The following NOVA1 variants were observed in gnomAD, a reference collection of about 807,000 sequenced individuals.
NOVA1 encodes the protein RNA-binding protein Nova-1.
A neutral mutation model predicts 38.0 loss-of-function variants in NOVA1; 7 were observed. The ratio of observed to expected loss-of-function variants is 0.18; its 90% CI spans 0.10 to 0.35. NOVA1 has a LOEUF of 0.35. Ranked by LOEUF, NOVA1 falls within the 10% of genes least tolerant of loss-of-function variation. NOVA1 has a pLI of 1.00. For missense variants in NOVA1, 460 were observed against 616.0 expected (o/e 0.75, Z 2.68); for synonymous variants, 270 against 232.5 (o/e 1.16, Z -1.47).
intron 2 of NOVA1, among the ~76,000 whole-genome samples, chr14:26,533,294 A>AG (rs1222015095): frequency 6.6e-6 from 1 of 152,190 alleles, no homozygotes; most frequent in Non-Finnish European, 1.5e-5. Context: ...GCCCTCGCTT[A>AG]GGAGCCACTT....
At chr14:26,535,994 A>AC (rs890299431) in intron 2 of NOVA1, among the ~76,000 whole-genome samples, 5 of 151,956 alleles carry the variant, frequency 3.3e-5, no homozygotes, top group African/African-American at 9.7e-5. Context: ...AAAAAAAAAA[A>AC]ATGTGGTACA....
At chr14:26,563,217 G>A (rs74042436) in intron 2 of NOVA1, among the ~76,000 whole-genome samples, 2,098 of 151,528 alleles carry the variant, frequency 0.014, 41 homozygotes, top group African/African-American at 0.046. Flanking sequence ...AGGAAACTCA[G>A]AGGAAATACA....
intron 2 of NOVA1, among the ~76,000 whole-genome samples, chr14:26,594,935 T>C (rs1282804464): frequency 6.6e-6 from 1 of 152,088 alleles, no homozygotes; most frequent in African/African-American, 2.4e-5. Context: ...CCTCTTTACT[T>C]CACTCCAAGG....
chr14:26,453,474 T>G (rs1260189969), intron 4 of NOVA1, among the ~76,000 whole-genome samples: 2 of 152,118 alleles, frequency 1.3e-5, no homozygotes, highest in Non-Finnish European at 1.5e-5. Context: ...ACAATATAAT[T>G]ATACTAATTA....
intron 4 of NOVA1, among the ~76,000 whole-genome samples, chr14:26,455,461 G>A (rs2076803979): frequency 6.6e-6 from 1 of 152,052 alleles, no homozygotes; most frequent in Admixed American, 6.6e-5. Flanking sequence ...GCAACTTAGT[G>A]AGACTGAGGA....
At chr14:26,570,388 A>T (rs78612834) in intron 2 of NOVA1, among the ~76,000 whole-genome samples, 2 of 95,862 alleles carry the variant, frequency 2.1e-5, no homozygotes, top group African/African-American at 7.6e-5. Flanking sequence ...CTATGAAATT[A>T]AAAAAAAAAA....
intron 4 of NOVA1, among the ~76,000 whole-genome samples, chr14:26,449,634 T>C: frequency 6.6e-6 from 1 of 152,158 alleles, no homozygotes; most frequent in East Asian, 1.9e-4. Flanking sequence ...AATTTTTCAA[T>C]GGCTTGGGGT....
intron 2 of NOVA1, among the ~76,000 whole-genome samples, chr14:26,541,824 C>T (rs1030839305): frequency 4.6e-5 from 7 of 151,530 alleles, no homozygotes; most frequent in African/African-American, 7.3e-5. Context: ...ACTCACTTGG[C>T]CATATTTTGT....
chr14:26,597,470 G>C lies in NOVA1; in HGVS notation c.-34C>G. ...TTCCTGCCGCTGCTACCGGGAGAAG[G>C]TTCTCCCTTTTGTTTTGGCTTTTTC... On this transcript the variant is annotated 5_prime_UTR_variant, in exon 1 of 5. Coordinates refer to ENST00000539517, the MANE Select transcript of NOVA1 (RefSeq NM_002515.3). 7.9e-7 allele frequency: 1 copy of C among 1,258,340 alleles called. No individual in the cohort carries two copies. Among genetic ancestry groups the C allele is most frequent in the Non-Finnish European group, 1.0e-6 (1 of 996,650 alleles). The allele number at this position is 1,258,340 out of a possible 1,614,324, so 77.9% of individuals were successfully genotyped here. A position where few individuals can be genotyped will look rare whatever the true frequency, so the allele number is the denominator to read the frequency against.
At chr14:26,452,583 T>C (rs1005100374) in intron 4 of NOVA1, among the ~76,000 whole-genome samples, 1 of 152,248 alleles carries the variant, frequency 6.6e-6, no homozygotes, top group Non-Finnish European at 1.5e-5. Flanking sequence ...TCTAACTGTA[T>C]ACATGGATTC....
At chr14:26,524,488 G>A (rs1889153397) in intron 2 of NOVA1, among the ~76,000 whole-genome samples, 1 of 151,952 alleles carries the variant, frequency 6.6e-6, no homozygotes, top group African/African-American at 2.4e-5. Flanking sequence ...GTAATAATAT[G>A]AATTCTACTC....
chr14:26,582,337 T>C (rs1360487271), intron 2 of NOVA1, among the ~76,000 whole-genome samples: 1 of 151,780 alleles, frequency 6.6e-6, no homozygotes, highest in Non-Finnish European at 1.5e-5. Flanking sequence ...TGAAGGTGCT[T>C]CAGTAAAACC....
At chr14:26,516,462 G>A (rs1888471724) in intron 2 of NOVA1, among the ~76,000 whole-genome samples, 1 of 151,944 alleles carries the variant, frequency 6.6e-6, no homozygotes, top group Non-Finnish European at 1.5e-5. Context: ...ATTCTATGTG[G>A]TTTTTCTTTT....
At chr14:26,483,355 A>AT (rs760613854) in intron 2 of NOVA1, among the ~76,000 whole-genome samples, 3 of 152,036 alleles carry the variant, frequency 2.0e-5, no homozygotes, top group Non-Finnish European at 4.4e-5. Context: ...TTACATCATA[A>AT]TTTTTTTCTA....
intron 2 of NOVA1, among the ~76,000 whole-genome samples, chr14:26,542,506 C>A (rs1890525321): frequency 1.3e-5 from 2 of 151,776 alleles, no homozygotes; most frequent in Admixed American, 6.6e-5. Context: ...CAAATTGAGA[C>A]AACTTATTTA....
chr14:26,548,106 T>C (rs761280183), intron 2 of NOVA1, among the ~76,000 whole-genome samples: 3 of 151,680 alleles, frequency 2.0e-5, no homozygotes, highest in Non-Finnish European at 4.4e-5. Flanking sequence ...TAAAAATCTT[T>C]GTAGGAAATC....
At chr14:26,479,772 A>AATGTAACACTTATT in intron 3 of NOVA1, 1 of 474,768 alleles carries the variant, frequency 2.1e-6, no homozygotes, top group Non-Finnish European at 3.6e-6. Flanking sequence ...TAACACTAAT[A>AATGTAACACTTATT]AATGAATAAT....
intron 2 of NOVA1, among the ~76,000 whole-genome samples, chr14:26,504,967 C>T (rs1026393414): frequency 1.3e-5 from 2 of 151,810 alleles, no homozygotes; most frequent in African/African-American, 4.8e-5. Flanking sequence ...GGGCATGGGC[C>T]TTTGATCTCA....
At position 26,597,507 on chromosome 14, in the gene NOVA1, CTTTTTTTTTTTT is replaced by C. The variant is rs563401938; in HGVS notation, c.-83_-72del. On this transcript the variant is annotated 5_prime_UTR_variant, in exon 1 of 5. Coordinates refer to ENST00000539517, the MANE Select transcript of NOVA1 (RefSeq NM_002515.3). ...GTTTTGGCTTTTTCTTTTCTTTTTT[CTTTTTTTTTTTT>C]TTTTTTTTTTGCGTTTGGGGTTTCT... is the stretch of plus-strand genomic sequence containing the variant. 6.4e-6 allele frequency: 5 copies of C among 782,854 alleles called. No homozygotes were observed. In the Admixed American group the frequency reaches 6.7e-4, roughly 105 times the overall value. The allele number at this position is 782,854 out of a possible 1,614,324, so 48.5% of individuals were successfully genotyped here.
Sources: allele counts gnomAD v4.1 joint callset (sites outside exome capture counted in the v4.1 genomes callset), GRCh38; gene constraint gnomAD v4.1.1; transcripts MANE v1.5; gene names NCBI Gene and HGNC (gene_info 2026-07-23, HGNC 2026-07-21).